BABAM2: variants seen among roughly 807,000 people sequenced by gnomAD.
BABAM2 encodes BRISC and BRCA1 A complex member 2.
BABAM2 carries 31 observed loss-of-function variants against 54.7 expected under a neutral mutation model. The observed-to-expected ratio is 0.57, with a 90% CI of 0.43 to 0.77. The LOEUF (loss-of-function observed/expected upper bound fraction) is 0.77, where lower values mean the gene tolerates loss of function less well. Ranked by LOEUF, BABAM2 falls within the 30% of genes least tolerant of loss-of-function variation. BABAM2 has a pLI of 0.00. For synonymous variants in BABAM2, 167 were observed against 162.9 expected, an observed-to-expected ratio of 1.03 and a Z score of -0.19; for missense variants, 364 against 455.8, an observed-to-expected ratio of 0.80 and a Z score of 1.83.
intron 7 of BABAM2, among the ~76,000 whole-genome samples, chr2:28,231,988 T>G (rs1681451942): frequency 6.6e-6 from 1 of 151,808 alleles, no homozygotes; most frequent in Admixed American, 6.6e-5. Context: ...TTAATTTTTT[T>G]AGAGATGGGA....
At chr2:28,248,613 G>T (rs575628209) in intron 10 of BABAM2, among the ~76,000 whole-genome samples, 1 of 152,048 alleles carries the variant, frequency 6.6e-6, no homozygotes, top group Non-Finnish European at 1.5e-5. Flanking sequence ...CTTTTTTTGT[G>T]GGTCCCAGTC....
chr2:28,051,190 T>C (rs937040406), intron 6 of BABAM2, among the ~76,000 whole-genome samples: 3 of 152,182 alleles, frequency 2.0e-5, no homozygotes, highest in Non-Finnish European at 2.9e-5. Context: ...CATTCTCCCA[T>C]GCAGTGCTGT....
intron 4 of BABAM2, among the ~76,000 whole-genome samples, chr2:27,989,835 A>G (rs1030549551): frequency 2.6e-5 from 4 of 152,182 alleles, no homozygotes; most frequent in African/African-American, 7.2e-5. Flanking sequence ...CATAGCACAT[A>G]TCTTTAATAT....
chr2:28,026,830 A>ATT (rs1374159497), intron 5 of BABAM2, among the ~76,000 whole-genome samples: 1 of 50,118 alleles, frequency 2.0e-5, no homozygotes, highest in Non-Finnish European at 3.8e-5. Context: ...ATTTATATAT[A>ATT]TAAATATATA....
chr2:28,179,461 A>G (rs1399698923), intron 7 of BABAM2, among the ~76,000 whole-genome samples: 1 of 152,164 alleles, frequency 6.6e-6, no homozygotes, highest in African/African-American at 2.4e-5. Flanking sequence ...TCAACCAACC[A>G]GGCATTGCAA....
chr2:28,250,779 T>C lies in BABAM2; in HGVS notation c.934+5917T>C, dbSNP rs372815193. Among the ~76,000 whole-genome samples the C allele has an allele frequency of 5.3e-5, 8 of 152,198 alleles. No homozygotes were observed. In the East Asian group the frequency reaches 7.8e-4, roughly 15 times the overall value. ...CACTCCCGGCTAATTTTTTGTGTTT[T>C]TAGTAGAGACAGGGTTTTGCCGTGT... is the stretch of plus-strand genomic sequence containing the variant. On this transcript the variant is annotated intron_variant, in intron 10 of 11. Coordinates refer to ENST00000379624, the MANE Select transcript of BABAM2 (RefSeq NM_199191.3).
At position 28,338,523 on chromosome 2, in the gene BABAM2, G is replaced by T. The variant is rs2148350758; in HGVS notation, c.*10G>T. The T allele has an allele frequency of 3.7e-6, 6 of 1,613,896 alleles. No homozygotes were observed. The highest frequency in any genetic ancestry group is 5.1e-6 in the Non-Finnish European group (6 of 1,179,832). ...CAATGGAAAGCTCTAGGAAACACCA[G>T]TCTTGAGAGGTGGCCAGCCAGACTG... On this transcript the variant is annotated 3_prime_UTR_variant, in exon 12 of 12. Transcript: ENST00000379624.
At chr2:28,122,851 T>G (rs899749343) in intron 6 of BABAM2, among the ~76,000 whole-genome samples, 3 of 121,814 alleles carry the variant, frequency 2.5e-5, no homozygotes, top group Non-Finnish European at 5.0e-5. Flanking sequence ...AAATGAACCA[T>G]TATGATCTAA....
intron 7 of BABAM2, among the ~76,000 whole-genome samples, chr2:28,217,635 CT>C (rs1266968646): frequency 6.6e-6 from 1 of 152,174 alleles, no homozygotes; most frequent in Admixed American, 6.5e-5. Flanking sequence ...GCTTAACCAC[CT>C]CATTTTTCTG....
At position 28,326,019 on chromosome 2, in the gene BABAM2, C is replaced by T. The variant is rs926046514; in HGVS notation, c.1089-12431C>T. Reference sequence around the variant, plus strand: ...TGGAGGCTGATGCCTGACCATGCTGCGCACAAACCTCGGAGCACTGTTCCA... The same window carrying T: ...TGGAGGCTGATGCCTGACCATGCTGTGCACAAACCTCGGAGCACTGTTCCA... On this transcript the variant is annotated intron_variant, in intron 11 of 11. Transcript: ENST00000379624. Among the ~76,000 whole-genome samples, 5 of 152,226 alleles carry T rather than the reference C, an allele frequency of 3.3e-5. No individual in the cohort carries two copies. The South Asian group carries it at 6.2e-4, about 19-fold the overall frequency.
intron 5 of BABAM2, among the ~76,000 whole-genome samples, chr2:28,038,624 A>G (rs972016691): frequency 5.3e-4 from 80 of 152,148 alleles, no homozygotes; most frequent in African/African-American, 1.7e-3. Flanking sequence ...ATAAGTGAGA[A>G]CATGTGGTAT....
rs1181551049 is a variant in BABAM2 at position 27,995,878 on chromosome 2, C to A, written c.300+7791C>A. 1.3e-5 allele frequency among the ~76,000 whole-genome samples: 2 copies of A among 152,154 alleles called. No individual in the cohort carries two copies. The highest frequency in any genetic ancestry group is 1.9e-4 in the East Asian group (1 of 5,190). ...TACAGGCGTGAGCCACTGCACCTGG[C>A]CCCTCATGAGTTCTTAATTTTAGAG... On this transcript the variant is annotated intron_variant, in intron 4 of 11. Transcript: ENST00000379624. The surrounding 1 kb of genome is among the most constrained non-coding windows in gnomAD (Gnocchi z 4.1).
chr2:28,024,223 T>C (rs1573414026), intron 4 of BABAM2, among the ~76,000 whole-genome samples: 1 of 151,960 alleles, frequency 6.6e-6, no homozygotes, highest in Non-Finnish European at 1.5e-5. Flanking sequence ...GCTAACACGG[T>C]GAAACCCCGT....
chr2:28,156,202 C>G (rs1243886786), intron 7 of BABAM2, among the ~76,000 whole-genome samples: 1 of 152,158 alleles, frequency 6.6e-6, no homozygotes, highest in Non-Finnish European at 1.5e-5. Context: ...TTAATTTCTA[C>G]TCCTCCCACA....
At chr2:27,966,972 GT>G (rs1164246945) in intron 3 of BABAM2, among the ~76,000 whole-genome samples, 2 of 152,116 alleles carry the variant, frequency 1.3e-5, no homozygotes, top group African/African-American at 4.8e-5. Context: ...TTCTTGTGGG[GT>G]TGTCATTTAA....
intron 3 of BABAM2, among the ~76,000 whole-genome samples, chr2:27,970,977 AG>A (rs1225384929): frequency 6.6e-6 from 1 of 152,090 alleles, no homozygotes; most frequent in Admixed American, 6.6e-5. Flanking sequence ...TTTTAAAATA[AG>A]TGATGTTATA....
chr2:28,227,728 C>T (rs544307960), intron 7 of BABAM2, among the ~76,000 whole-genome samples: 2 of 152,252 alleles, frequency 1.3e-5, no homozygotes, highest in African/African-American at 4.8e-5. Flanking sequence ...CCATTCCAGC[C>T]CTGGCCGTGC....
chr2:28,050,028 A>G (rs991003956), intron 6 of BABAM2, among the ~76,000 whole-genome samples: 1 of 152,180 alleles, frequency 6.6e-6, no homozygotes, highest in African/African-American at 2.4e-5. Flanking sequence ...ATACAATACA[A>G]TAGGAAATGG....
intron 7 of BABAM2, among the ~76,000 whole-genome samples, chr2:28,169,772 T>C (rs900769218): frequency 3.0e-5 from 4 of 134,818 alleles, no homozygotes; most frequent in African/African-American, 1.1e-4. Context: ...CAAGACTCTG[T>C]CTCAAAAAAA....
Sources: gnomAD v4.1 joint callset for allele counts (sites outside exome capture counted in the v4.1 genomes callset) on GRCh38, gnomAD v4.1.1 for gene constraint, Gnocchi (gnomAD v3.1) non-coding constraint, MANE v1.5 for transcripts, NCBI Gene and HGNC (gene_info 2026-07-23, HGNC 2026-07-21) for gene names.